The following HS3ST1 variants were observed in gnomAD, a reference collection of about 807,000 sequenced individuals.
HS3ST1 encodes the protein heparan sulfate-glucosamine 3-sulfotransferase 1, also known as heparan sulfate glucosamine 3-O-sulfotransferase 1.
HS3ST1 carries 8 observed loss-of-function variants against 20.7 expected under a neutral mutation model. The ratio of observed to expected loss-of-function variants is 0.39; its 90% confidence interval spans 0.23 to 0.70. The LOEUF (loss-of-function observed/expected upper bound fraction) is 0.70. HS3ST1 is among the 30% of genes least tolerant of loss of function. The pLI, the probability that HS3ST1 is intolerant of heterozygous loss-of-function variation, is 0.46. For synonymous variants in HS3ST1, 205 were observed against 190.4 expected, an observed-to-expected ratio of 1.08 and a Z score of -0.63; for missense variants, 436 against 423.4, an observed-to-expected ratio of 1.03 and a Z score of -0.26.
At chr4:11,425,369 T>TAAA (rs1184125899) in intron 1 of HS3ST1, among the ~76,000 whole-genome samples, 1 of 151,966 alleles carries the variant, frequency 6.6e-6, no homozygotes, top group East Asian at 1.9e-4. Flanking sequence ...TCTCCTTTTT[T>TAAA]AAAAAAATTA....
chr4:11,417,018 G>A (rs770003196), intron 1 of HS3ST1, among the ~76,000 whole-genome samples: 6 of 152,110 alleles, frequency 3.9e-5, no homozygotes, highest in Admixed American at 1.3e-4. Context: ...GGGAACAAAG[G>A]GTGGTCCTGA....
At chr4:11,400,960 T>G (rs1326950159) in intron 1 of HS3ST1, among the ~76,000 whole-genome samples, 2 of 152,222 alleles carry the variant, frequency 1.3e-5, no homozygotes, top group Non-Finnish European at 2.9e-5. Flanking sequence ...CACAGAGCCA[T>G]CCCAGCTCAT....
chr4:11,416,583 G>T (rs1718787824), intron 1 of HS3ST1, among the ~76,000 whole-genome samples: 1 of 152,240 alleles, frequency 6.6e-6, no homozygotes. Context: ...TCCCATGAGG[G>T]TTGGTGGCAG....
At chr4:11,433,637 G>A (rs1454922112), upstream of HS3ST1, among the ~76,000 whole-genome samples, 1 of 151,964 alleles carries the variant, frequency 6.6e-6, no homozygotes, top group Non-Finnish European at 1.5e-5. Context: ...TGCTCTTTTA[G>A]GCCTTATTCA....
At position 11,399,235 on chromosome 4, in the gene HS3ST1, C is replaced by T. The variant is rs1577434711; in HGVS notation, c.771G>A (p.Leu257=). 1.2e-6 allele frequency: 2 copies of T among 1,614,168 alleles called. No individual in the cohort carries two copies. Among genetic ancestry groups the T allele is most frequent in the East Asian group, 4.5e-5 (2 of 44,882 alleles). Residue 257 remains leucine (L), a synonymous_variant, in exon 2 of 2, where the codon CTG becomes CTA. Coordinates refer to ENST00000002596, the MANE Select transcript of HS3ST1 (RefSeq NM_005114.4). This position sits in a 1 kb window ranked among gnomAD's most constrained non-coding sequence, Gnocchi z 5.1. ...YFNKTKGFYC[L]RDSGRDRCLH... is the part of the protein sequence containing the mutation. Reference sequence around the variant, plus strand: ...AGCAGCGGTCCCGGCCGCTGTCCCGCAGGCAGTAAAAGCCCTTGGTTTTGT... The same window carrying T: ...AGCAGCGGTCCCGGCCGCTGTCCCGTAGGCAGTAAAAGCCCTTGGTTTTGT...
At chr4:11,407,137 A>G (rs1718487408) in intron 1 of HS3ST1, among the ~76,000 whole-genome samples, 1 of 152,182 alleles carries the variant, frequency 6.6e-6, no homozygotes, top group Non-Finnish European at 1.5e-5. Flanking sequence ...ATCTTCAACA[A>G]ATGTTGACAT....
At chr4:11,417,328 G>T (rs1057047346) in intron 1 of HS3ST1, among the ~76,000 whole-genome samples, 2 of 152,146 alleles carry the variant, frequency 1.3e-5, no homozygotes, top group African/African-American at 4.8e-5. Flanking sequence ...ATTATTTCCT[G>T]GGTGACCACT....
intron 1 of HS3ST1, among the ~76,000 whole-genome samples, chr4:11,411,337 A>G (rs1316850477): frequency 6.6e-6 from 1 of 152,226 alleles, no homozygotes; most frequent in Non-Finnish European, 1.5e-5. Context: ...GCAATAGTAC[A>G]TGGTTCTTTC....
intron 1 of HS3ST1, among the ~76,000 whole-genome samples, chr4:11,424,459 C>G (rs149457843): frequency 6.7e-4 from 102 of 152,230 alleles, no homozygotes; most frequent in African/African-American, 2.4e-3. Context: ...ATGCTGGAGA[C>G]AGGCCTGAAG....
At chr4:11,408,789 G>T (rs1413506276) in intron 1 of HS3ST1, among the ~76,000 whole-genome samples, 1 of 152,214 alleles carries the variant, frequency 6.6e-6, no homozygotes, top group Non-Finnish European at 1.5e-5. Context: ...GAGCCCCATA[G>T]CAGACAGGAG....
rs1718099615 is a variant in HS3ST1 at position 11,395,056 on chromosome 4, C to G, written c.*4026G>C. On this transcript the variant is annotated 3_prime_UTR_variant, in exon 2 of 2. Coordinates refer to ENST00000002596, the MANE Select transcript of HS3ST1 (RefSeq NM_005114.4). ...CATTTGACATGCCACTCAGACAAATCTCTTGCCTACCTCTACCCTCTACCC... is the reference window on the plus strand; with the variant it reads ...CATTTGACATGCCACTCAGACAAATGTCTTGCCTACCTCTACCCTCTACCC... The G allele has an allele frequency of 6.6e-6, 1 of 152,202 alleles. No individual in the cohort carries two copies. Among genetic ancestry groups the G allele is most frequent in the African/African-American group, 2.4e-5 (1 of 41,452 alleles). 9.4% of individuals were successfully genotyped at this position (152,202 alleles called of 1,614,324 possible).
In HS3ST1 at chr4:11,398,895, C is replaced by T. The variant is rs1718221123; in HGVS notation, c.*187G>A. On this transcript the variant is annotated 3_prime_UTR_variant, in exon 2 of 2. Coordinates refer to ENST00000002596, the MANE Select transcript of HS3ST1 (RefSeq NM_005114.4). Reference sequence around the variant, plus strand: ...CAACCATGAAAAACAATACAAAATGCCCTCCATTTAACAAGTAGAAAAATA... The same window carrying T: ...CAACCATGAAAAACAATACAAAATGTCCTCCATTTAACAAGTAGAAAAATA... The T allele has an allele frequency of 1.9e-6, 1 of 522,892 alleles. No individual in the cohort carries two copies. Among genetic ancestry groups the T allele is most frequent in the Non-Finnish European group, 3.3e-6 (1 of 302,882 alleles). 32.4% of individuals were successfully genotyped at this position (522,892 alleles called of 1,614,324 possible).
rs183630877 is a variant in HS3ST1, at chr4:11,407,134, A to G, written c.-108-7021T>C. On this transcript the variant is annotated intron_variant, in intron 1 of 1. Coordinates refer to ENST00000002596, the MANE Select transcript of HS3ST1 (RefSeq NM_005114.4). ...AATTGCCTATACATGTCAATCTTCA[A>G]CAAATGTTGACATTCACTTTTGTTT... Among the ~76,000 whole-genome samples the G allele has an allele frequency of 4.0e-3, 612 of 152,330 alleles. 2 individuals carry two copies. The highest frequency in any genetic ancestry group is 0.01 in the Middle Eastern group (3 of 294).
At chr4:11,403,427 A>T (rs1193120470) in intron 1 of HS3ST1, among the ~76,000 whole-genome samples, 1 of 152,152 alleles carries the variant, frequency 6.6e-6, no homozygotes, top group African/African-American at 2.4e-5. Context: ...CTTGATCTTG[A>T]CAATGAAGTT....
At chr4:11,424,747 C>T (rs1057241346) in intron 1 of HS3ST1, among the ~76,000 whole-genome samples, 1 of 152,098 alleles carries the variant, frequency 6.6e-6, no homozygotes, top group Non-Finnish European at 1.5e-5. Flanking sequence ...ACTCCAATGT[C>T]CCTGTGCCCT....
chr4:11,416,285 G>T (rs375791388), intron 1 of HS3ST1, among the ~76,000 whole-genome samples: 1 of 151,878 alleles, frequency 6.6e-6, no homozygotes, highest in Non-Finnish European at 1.5e-5. Flanking sequence ...TCCTTTCATC[G>T]CCCCTCACCA....
At chr4:11,425,353 G>A (rs1374415315) in intron 1 of HS3ST1, among the ~76,000 whole-genome samples, 1 of 152,066 alleles carries the variant, frequency 6.6e-6, no homozygotes, top group Non-Finnish European at 1.5e-5. Context: ...CCCCATTTGT[G>A]ACTTTTCTCC....
chr4:11,427,603 C>T (rs1471856195), intron 1 of HS3ST1, among the ~76,000 whole-genome samples: 1 of 152,182 alleles, frequency 6.6e-6, no homozygotes, highest in Non-Finnish European at 1.5e-5. Flanking sequence ...TCGCGCAAGG[C>T]GAGGCAAGGG....
In HS3ST1 at chr4:11,394,650, A is replaced by G. The variant is rs1024742845; in HGVS notation, c.*4432T>C. ...CCTAGATGCCCATAATTTCCCTTAC[A>G]GGCTCTGCCTAATAGACAGATGCAT... On this transcript the variant is annotated 3_prime_UTR_variant, in exon 2 of 2. Coordinates refer to ENST00000002596, the MANE Select transcript of HS3ST1 (RefSeq NM_005114.4). 2.0e-5 allele frequency: 3 copies of G among 152,230 alleles called. No homozygotes were observed. The highest frequency in any genetic ancestry group is 7.2e-5 in the African/African-American group (3 of 41,456). The allele number at this position is 152,230 out of a possible 1,614,324, so 9.4% of individuals were successfully genotyped here.
Sources: gnomAD v4.1 joint callset for allele counts (sites outside exome capture counted in the v4.1 genomes callset) on GRCh38, gnomAD v4.1.1 for gene constraint, Gnocchi (gnomAD v3.1) non-coding constraint, MANE v1.5 for transcripts, NCBI Gene and HGNC (gene_info 2026-07-23, HGNC 2026-07-21) for gene names.